The following SELENOF variants were observed in gnomAD, a reference collection of about 807,000 sequenced individuals.
The protein encoded by SELENOF is 15 kDa selenoprotein.
Under a neutral mutation model 20.5 loss-of-function variants are expected in SELENOF, and 16 were observed. The ratio of observed to expected loss-of-function variants is 0.78; its 90% CI spans 0.53 to 1.19. SELENOF has a LOEUF of 1.19. Ranked by LOEUF, SELENOF falls within the 50% of genes most tolerant of loss-of-function variation. The pLI is 0.00. For synonymous variants in SELENOF, 78 were observed against 74.5 expected, an observed-to-expected ratio of 1.05 and a Z score of -0.24; for missense variants, 215 against 194.2, an observed-to-expected ratio of 1.11 and a Z score of -0.64.
intron 2 of SELENOF, among the ~76,000 whole-genome samples, chr1:86,881,972 G>A (rs1659081956): frequency 6.6e-6 from 1 of 152,054 alleles, no homozygotes; most frequent in African/African-American, 2.4e-5. Context: ...GGTGGCTCAT[G>A]CCTGTAATTG....
chr1:86,871,117 A>T (rs981352310), intron 3 of SELENOF, among the ~76,000 whole-genome samples: 10 of 152,194 alleles, frequency 6.6e-5, no homozygotes, highest in African/African-American at 2.4e-4. Flanking sequence ...GCAGTAAATA[A>T]ATCTTTTAAC....
intron 1 of SELENOF, among the ~76,000 whole-genome samples, chr1:86,907,824 T>C (rs1350325467): frequency 6.6e-6 from 1 of 151,814 alleles, no homozygotes; most frequent in Non-Finnish European, 1.5e-5. Flanking sequence ...TCTCTACTAA[T>C]AATACAAAAA....
intron 3 of SELENOF, among the ~76,000 whole-genome samples, chr1:86,871,682 T>TA (rs1658773909): frequency 6.6e-6 from 1 of 152,202 alleles, no homozygotes; most frequent in African/African-American, 2.4e-5. Flanking sequence ...ATTTAATTTC[T>TA]CAATGTAAAC....
Position 86,866,614 on chromosome 1 carries a change from T to C in SELENOF, c.366+1439A>G, listed in dbSNP as rs1042338915. On this transcript the variant is annotated intron_variant, in intron 4 of 4. Transcript: ENST00000331835. Reference sequence around the variant, plus strand: ...AAATTGGTTAAGATTGTACATTTAATATTTTTTACCACAATTTAAAAAAAG... The same window carrying C: ...AAATTGGTTAAGATTGTACATTTAACATTTTTTACCACAATTTAAAAAAAG... 4.6e-5 allele frequency among the ~76,000 whole-genome samples: 7 copies of C among 152,264 alleles called. No homozygotes were observed. In the East Asian group the frequency reaches 7.7e-4, roughly 17 times the overall value.
chr1:86,872,260 T>G (rs1284047042), intron 3 of SELENOF, among the ~76,000 whole-genome samples: 3 of 152,232 alleles, frequency 2.0e-5, no homozygotes, highest in Non-Finnish European at 4.4e-5. Context: ...AACTGCTCAT[T>G]GACTATCATG....
chr1:86,873,088 TAAATA>T (rs944322220), intron 3 of SELENOF, among the ~76,000 whole-genome samples: 1 of 116,694 alleles, frequency 8.6e-6, no homozygotes, highest in Non-Finnish European at 1.8e-5. Context: ...AATAAATAAA[TAAATA>T]AAATAAAAAA....
At chr1:86,906,035 A>G (rs1419488985) in intron 1 of SELENOF, among the ~76,000 whole-genome samples, 3 of 152,150 alleles carry the variant, frequency 2.0e-5, no homozygotes, top group Non-Finnish European at 4.4e-5. Context: ...TCCCAATGAA[A>G]AGAAAATTTA....
chr1:86,905,118 C>T (rs1021541989), intron 1 of SELENOF, among the ~76,000 whole-genome samples: 6 of 152,170 alleles, frequency 3.9e-5, no homozygotes, highest in Admixed American at 3.9e-4. Context: ...GGCATCATTT[C>T]TCTGACAAGC....
chr1:86,887,234 T>C (rs1659243975), intron 2 of SELENOF: 2 of 1,527,410 alleles, frequency 1.3e-6, no homozygotes, highest in Non-Finnish European at 1.8e-6. Flanking sequence ...GTTATAATTT[T>C]AACAAACAAA....
chr1:86,886,011 T>C (rs1485929663), intron 2 of SELENOF, among the ~76,000 whole-genome samples: 2 of 152,226 alleles, frequency 1.3e-5, no homozygotes, highest in South Asian at 4.1e-4. Context: ...GTCTACTTAA[T>C]AGAATTTTCA....
At chr1:86,883,125 CAAA>C (rs34608814) in intron 2 of SELENOF, among the ~76,000 whole-genome samples, 7 of 95,976 alleles carry the variant, frequency 7.3e-5, no homozygotes, top group Admixed American at 1.2e-4. Context: ...AGACTTGTCT[CAAA>C]AAAAAAAAAA....
chr1:86,866,399 G>A (rs1288425205), intron 4 of SELENOF, among the ~76,000 whole-genome samples: 1 of 150,276 alleles, frequency 6.7e-6, no homozygotes, highest in Non-Finnish European at 1.5e-5. Flanking sequence ...ATCTGAAGTA[G>A]TCAAAACTAT....
chr1:86,880,873 T>A, intron 2 of SELENOF, 148 bp from the exon 3 acceptor site: 1 of 479,610 alleles, frequency 2.1e-6, no homozygotes, highest in Non-Finnish European at 3.6e-6. Context: ...GACAGGACCA[T>A]GTAGTTCCAG....
At chr1:86,886,767 CTG>C (rs1245258403) in intron 2 of SELENOF, among the ~76,000 whole-genome samples, 1 of 151,964 alleles carries the variant, frequency 6.6e-6, no homozygotes, top group Non-Finnish European at 1.5e-5. Flanking sequence ...TGAGGAATAA[CTG>C]TATTTTATAG....
At chr1:86,893,555 T>C (rs996847623) in intron 2 of SELENOF, among the ~76,000 whole-genome samples, 3 of 151,166 alleles carry the variant, frequency 2.0e-5, no homozygotes, top group Admixed American at 6.6e-5. Context: ...GAGGCAGAGG[T>C]TGCAGTAAGC....
chr1:86,887,069 T>G, intron 2 of SELENOF: 1 of 1,348,776 alleles, frequency 7.4e-7, no homozygotes, highest in Non-Finnish European at 9.8e-7. Context: ...ACCTAAACCA[T>G]GTTTAGTGAT....
Position 86,868,052 on chromosome 1 carries a change from C to T in SELENOF, c.366+1G>A, listed in dbSNP as rs779629754. 1 of 1,455,218 alleles carries T rather than the reference C, an allele frequency of 6.9e-7. No individual in the cohort carries two copies. The allele number at this position is 1,455,218 out of a possible 1,614,324, so 90.1% of individuals were successfully genotyped here. A position where few individuals can be genotyped will look rare whatever the true frequency, so the allele number is the denominator to read the frequency against. ...AGAGATCTCCACTACAATCACCTTA[C>T]CTTGATTTGCAGTCCTCTGAACAGT... On this transcript the variant is annotated splice_donor_variant, in intron 4 of 4. Coordinates refer to ENST00000331835, the MANE Select transcript of SELENOF (RefSeq NM_004261.5). LOFTEE classifies it high-confidence loss of function.
chr1:86,880,282 C>A (rs984576290), intron 3 of SELENOF, among the ~76,000 whole-genome samples: 6 of 151,892 alleles, frequency 4.0e-5, no homozygotes, highest in African/African-American at 1.5e-4. Context: ...ATTATAGGCA[C>A]CCGCCACCGC....
Position 86,880,729 on chromosome 1 carries a change from C to A in SELENOF, c.253-4G>T. On this transcript the variant is annotated splice_region_variant and splice_polypyrimidine_tract_variant and intron_variant, in intron 2 of 4. Coordinates refer to ENST00000331835, the MANE Select transcript of SELENOF (RefSeq NM_004261.5). Reference sequence around the variant, plus strand: ...CAAGAATAGCTCCTGCATACAGCTACAAAAGGAAAAACAGGAATTTAAAAA... The same window carrying A: ...CAAGAATAGCTCCTGCATACAGCTAAAAAAGGAAAAACAGGAATTTAAAAA... The A allele has an allele frequency of 6.4e-7, 1 of 1,550,514 alleles. No homozygotes were observed.
Sources: allele counts gnomAD v4.1 joint callset (sites outside exome capture counted in the v4.1 genomes callset), GRCh38; gene constraint gnomAD v4.1.1; transcripts MANE v1.5; gene names NCBI Gene and HGNC (gene_info 2026-07-23, HGNC 2026-07-21).